Variants in GDPD1 observed in about 807,000 individuals in gnomAD.
GDPD1 encodes the protein lysophospholipase D GDPD1.
A neutral mutation model predicts 45.1 loss-of-function variants in GDPD1; 28 were observed. The observed-to-expected ratio is 0.62, with a 90% CI of 0.46 to 0.85. GDPD1 has a LOEUF of 0.85. GDPD1 is among the 40% of genes least tolerant of loss of function. The pLI, the probability that GDPD1 is intolerant of heterozygous loss-of-function variation, is 0.00. For missense variants in GDPD1, 256 were observed against 364.8 expected, an observed-to-expected ratio of 0.70 and a Z score of 2.43; for synonymous variants, 139 against 131.4, an observed-to-expected ratio of 1.06 and a Z score of -0.40.
chr17:59,225,879 G>A (rs1415286477), intron 1 of GDPD1, among the ~76,000 whole-genome samples: 2 of 151,876 alleles, frequency 1.3e-5, no homozygotes, highest in African/African-American at 2.4e-5. Context: ...CTACCACCAT[G>A]CCCGGCTAAT....
At chr17:59,243,808 TAA>T (rs1001280306) in intron 2 of GDPD1, among the ~76,000 whole-genome samples, 6 of 152,216 alleles carry the variant, frequency 3.9e-5, no homozygotes, top group African/African-American at 1.4e-4. Context: ...TGGAATTAAT[TAA>T]AATTTAAAAT....
chr17:59,222,951 A>C (rs1568335931), intron 1 of GDPD1, among the ~76,000 whole-genome samples: 1 of 152,212 alleles, frequency 6.6e-6, no homozygotes, highest in Non-Finnish European at 1.5e-5. Flanking sequence ...TCCTCTAAAA[A>C]GCTATCTAAA....
rs2047205060 is a variant in GDPD1 at position 59,245,640 on chromosome 17, T to C, written c.321+91T>C. The C allele has an allele frequency of 9.7e-6, 9 of 929,558 alleles. No homozygotes were observed. In the South Asian group the frequency reaches 1.5e-4, roughly 15 times the overall value. 57.6% of individuals were successfully genotyped at this position (929,558 alleles called of 1,614,324 possible). ...ATAGCGAATATCAGCAAAAAATTTC[T>C]AATATTATTTAAATACTGATTAAAT... On this transcript the variant is annotated intron_variant, in intron 3 of 9. Transcript: ENST00000284116.
chr17:59,255,599 C>G lies in GDPD1; in HGVS notation c.368-1523C>G, dbSNP rs182458677. ...TCTACTAAAAATACAAAAAATTAGC[C>G]AGGTGTGGTGCCGGGCGCCTGTAAT... On this transcript the variant is annotated intron_variant, in intron 4 of 9. Transcript: ENST00000284116. 3.0e-3 allele frequency among the ~76,000 whole-genome samples: 447 copies of G among 148,916 alleles called. 2 individuals are homozygous for G. Among genetic ancestry groups the G allele is most frequent in the African/African-American group, 0.011 (435 of 40,164 alleles).
At chr17:59,248,596 T>A in intron 3 of GDPD1, 144 bp from the exon 4 acceptor site, 2 of 562,494 alleles carry the variant, frequency 3.6e-6, no homozygotes, top group Non-Finnish European at 6.3e-6. Flanking sequence ...AATTTGCTGT[T>A]GGGGATGTTC....
In GDPD1 at chr17:59,260,060, C is replaced by CAAAAAAAAAAAAAAAAAAA. The variant is rs56936442; in HGVS notation, c.576+2242_576+2260dup. 7.7e-5 allele frequency among the ~76,000 whole-genome samples: 2 copies of CAAAAAAAAAAAAAAAAAAA among 25,852 alleles called. 1 individual carries two copies. The highest frequency in any genetic ancestry group is 1.4e-4 in the Non-Finnish European group (2 of 14,514). 17.0% of individuals were successfully genotyped at this position (25,852 alleles called of 152,430 possible). Reference sequence around the variant, plus strand: ...TGGGTGACGGAGCCAGACCCTGTCTCAAAAAAAAAAAAAAAAAAAAAAAAA... The same window carrying CAAAAAAAAAAAAAAAAAAA: ...TGGGTGACGGAGCCAGACCCTGTCTCAAAAAAAAAAAAAAAAAAAAAAAAAAAAAAAAAAAAAAAAAAAA... On this transcript the variant is annotated intron_variant, in intron 6 of 9. Coordinates refer to ENST00000284116, the MANE Select transcript of GDPD1 (RefSeq NM_182569.4).
At chr17:59,266,884 T>A (rs1214101977) in intron 6 of GDPD1, among the ~76,000 whole-genome samples, 157 bp from the exon 7 acceptor site, 1 of 152,190 alleles carries the variant, frequency 6.6e-6, no homozygotes, top group Non-Finnish European at 1.5e-5. Flanking sequence ...CTAGCCACTA[T>A]TAAGTGTGGT....
At chr17:59,257,658 CAGAT>C (rs2047319664) in intron 5 of GDPD1, 89 bp from the exon 6 acceptor site, 1 of 783,200 alleles carries the variant, frequency 1.3e-6, no homozygotes, top group Non-Finnish European at 2.2e-6. Flanking sequence ...TATTCATTCA[CAGAT>C]AGTCAATTCT....
chr17:59,231,736 G>A (rs1192766467), intron 1 of GDPD1, among the ~76,000 whole-genome samples: 1 of 152,024 alleles, frequency 6.6e-6, no homozygotes, highest in African/African-American at 2.4e-5. Context: ...TGTCCCCATG[G>A]ATGACTAACA....
intron 2 of GDPD1, 55 bp downstream of exon 2, chr17:59,234,589 T>A: frequency 1.8e-6 from 2 of 1,132,234 alleles, no homozygotes; most frequent in Non-Finnish European, 2.7e-6. Flanking sequence ...TTGCAGGCTT[T>A]CTTTAAAGTG....
intron 7 of GDPD1, among the ~76,000 whole-genome samples, chr17:59,268,452 G>T (rs1032143013): frequency 5.3e-5 from 8 of 151,594 alleles, no homozygotes; most frequent in East Asian, 2.0e-4. Context: ...GGTGGCGGGC[G>T]CCTGTAGTCC....
chr17:59,243,058 G>A (rs1475286574), intron 2 of GDPD1, among the ~76,000 whole-genome samples: 4 of 151,820 alleles, frequency 2.6e-5, no homozygotes, highest in Admixed American at 6.6e-5. Flanking sequence ...GTGTGGTGGC[G>A]GGTACCTGTA....
At chr17:59,270,872 C>A in intron 7 of GDPD1, 64 bp from the exon 8 acceptor site, 3 of 999,484 alleles carry the variant, frequency 3.0e-6, no homozygotes, top group Admixed American at 2.3e-5. Flanking sequence ...GAATTTGTTT[C>A]ATTTTATCAC....
At position 59,255,838 on chromosome 17, in the gene GDPD1, T is replaced by A. The variant is rs1252221584; in HGVS notation, c.368-1284T>A. Among the ~76,000 whole-genome samples the A allele has an allele frequency of 9.1e-3, 802 of 88,368 alleles. 66 individuals are homozygous for A. Among genetic ancestry groups the A allele is most frequent in the African/African-American group, 0.052 (770 of 14,732 alleles). The allele number at this position is 88,368 out of a possible 152,430, so 58.0% of individuals were successfully genotyped here. On this transcript the variant is annotated intron_variant, in intron 4 of 9. Transcript: ENST00000284116. ...GCGTATATATATATACGCGTATATA[T>A]ATATATATATATACACACGTATATA...
chr17:59,236,974 T>C (rs1034500117), intron 2 of GDPD1, among the ~76,000 whole-genome samples: 2 of 152,216 alleles, frequency 1.3e-5, no homozygotes, highest in Non-Finnish European at 2.9e-5. Flanking sequence ...TATGAATACA[T>C]ACTTTTTAAA....
intron 4 of GDPD1, among the ~76,000 whole-genome samples, chr17:59,255,784 T>TATATATAGATATATATATATAC (rs1215280964): frequency 1.7e-5 from 1 of 58,158 alleles, no homozygotes; most frequent in Non-Finnish European, 2.8e-5. Flanking sequence ...TATATATATA[T>TATATATAGATATATATATATAC]ACGCGTATAT....
At chr17:59,231,059 A>G (rs1385432660) in intron 1 of GDPD1, among the ~76,000 whole-genome samples, 1 of 152,166 alleles carries the variant, frequency 6.6e-6, no homozygotes, top group African/African-American at 2.4e-5. Context: ...AAAGGCATGC[A>G]TGGGTCACCA....
chr17:59,259,609 C>T (rs1457891699), intron 6 of GDPD1, among the ~76,000 whole-genome samples: 21 of 143,702 alleles, frequency 1.5e-4, no homozygotes, highest in African/African-American at 2.3e-4. Context: ...AATAGCCAGG[C>T]GTGGTGGCGT....
rs537678462 is a variant in GDPD1, at chr17:59,275,362, A to AGTT, written c.*1599_*1601dup. The AGTT allele has an allele frequency of 5.1e-6, 3 of 583,342 alleles. No homozygotes were observed. Among genetic ancestry groups the AGTT allele is most frequent in the Admixed American group, 2.9e-5 (1 of 34,300 alleles). The allele number at this position is 583,342 out of a possible 1,614,324, so 36.1% of individuals were successfully genotyped here. On this transcript the variant is annotated 3_prime_UTR_variant, in exon 10 of 10. Coordinates refer to ENST00000284116, the MANE Select transcript of GDPD1 (RefSeq NM_182569.4). ...ATCTGTAGAGTGAATTAGATTTCTGAGTTGTTGTTGTTAATGGAACATTCT... is the reference window on the plus strand; with the variant it reads ...ATCTGTAGAGTGAATTAGATTTCTGAGTTGTTGTTGTTGTTAATGGAACATTCT...
Sources: allele counts gnomAD v4.1 joint callset (sites outside exome capture counted in the v4.1 genomes callset), GRCh38; gene constraint gnomAD v4.1.1; transcripts MANE v1.5; gene names NCBI Gene and HGNC (gene_info 2026-07-23, HGNC 2026-07-21).